KCNH1: variants seen among roughly 807,000 people sequenced by gnomAD.
The protein encoded by KCNH1 is potassium voltage-gated channel subfamily H member 1.
In KCNH1, 27 loss-of-function variants were observed where a neutral mutation model predicts 69.2. The observed-to-expected ratio is 0.39, with a 90% CI of 0.29 to 0.54. The LOEUF is 0.54. Ranked by LOEUF, KCNH1 falls within the 20% of genes least tolerant of loss-of-function variation. The pLI, the probability that KCNH1 is intolerant of heterozygous loss-of-function variation, is 0.68. For synonymous variants in KCNH1, 456 were observed against 487.7 expected, an observed-to-expected ratio of 0.93 and a Z score of 0.86; for missense variants, 798 against 1,261.6, an observed-to-expected ratio of 0.63 and a Z score of 5.57.
intron 5 of KCNH1, among the ~76,000 whole-genome samples, chr1:211,070,559 C>T (rs1014729770): frequency 2.0e-5 from 3 of 151,874 alleles, no homozygotes; most frequent in South Asian, 2.1e-4. Context: ...TGTGGTGGCT[C>T]ACATCTGTAA....
intron 10 of KCNH1, among the ~76,000 whole-genome samples, chr1:210,726,892 TAG>T (rs1216577233): frequency 1.3e-5 from 2 of 152,036 alleles, no homozygotes; most frequent in Non-Finnish European, 2.9e-5. Flanking sequence ...CAACCCTCAA[TAG>T]AGAGGGGTGG....
intron 7 of KCNH1, among the ~76,000 whole-genome samples, chr1:210,912,651 A>C (rs951860330): frequency 1.3e-5 from 2 of 152,232 alleles, no homozygotes; most frequent in African/African-American, 4.8e-5. Context: ...GCATGGAAGC[A>C]CTAGGCTAGG....
At position 211,005,615 on chromosome 1, in the gene KCNH1, G is replaced by A. The variant is rs115890130; in HGVS notation, c.1032+13168C>T. Among the ~76,000 whole-genome samples the A allele has an allele frequency of 2.5e-3, 381 of 152,252 alleles. 3 individuals are homozygous for A. The highest frequency in any genetic ancestry group is 0.019 in the South Asian group (91 of 4,822). ...AGCATACACGATAATCAGTCTAAGT[G>A]GATTTCAGATCTAAATGTGAATGGA... On this transcript the variant is annotated intron_variant, in intron 6 of 10. Transcript: ENST00000271751.
rs2149000783 is a variant in KCNH1 at position 210,683,615 on chromosome 1, G to A, written c.2636C>T (p.Ser879Leu). Reference protein sequence around the residue: ...SGEATLKKTDSCDSGITKSDL... With the variant: ...SGEATLKKTDLCDSGITKSDL... The stretch of plus-strand genomic sequence containing the variant: ...GCTCTTGGTGATGCCACTGTCACAC[G>A]AGTCTGTCTTCTTCAGTGTGGCCTC... The change falls in exon 11 of 11, where the codon TCG becomes TTG. Residue 879 changes from serine to leucine, a missense_variant. Coordinates refer to ENST00000271751, the MANE Select transcript of KCNH1 (RefSeq NM_172362.3). This position sits in a 1 kb window ranked among gnomAD's most constrained non-coding sequence, Gnocchi z 5.7. The A allele has an allele frequency of 1.2e-6, 2 of 1,614,164 alleles. No individual in the cohort carries two copies. The highest frequency in any genetic ancestry group is 1.7e-6 in the Non-Finnish European group (2 of 1,180,032).
At chr1:211,126,775 C>T (rs913010054) in intron 1 of KCNH1, among the ~76,000 whole-genome samples, 2 of 151,090 alleles carry the variant, frequency 1.3e-5, no homozygotes, top group African/African-American at 4.9e-5. Flanking sequence ...GCTAAAAACT[C>T]ACACCAATGG....
intron 6 of KCNH1, among the ~76,000 whole-genome samples, chr1:210,940,735 G>T: frequency 6.6e-6 from 1 of 152,042 alleles, no homozygotes; most frequent in East Asian, 1.9e-4. Flanking sequence ...AAAATCCAAA[G>T]GACACAGAAA....
intron 1 of KCNH1, among the ~76,000 whole-genome samples, chr1:211,115,728 T>C (rs61848605): frequency 2.4e-4 from 21 of 88,056 alleles, no homozygotes; most frequent in African/African-American, 2.9e-4. Context: ...TATATATATA[T>C]ATACACACAC....
intron 9 of KCNH1, among the ~76,000 whole-genome samples, chr1:210,795,576 C>G (rs1302808306): frequency 6.6e-6 from 1 of 152,120 alleles, no homozygotes; most frequent in African/African-American, 2.4e-5. Flanking sequence ...GACCAAAAAA[C>G]AAGAAGGAAG....
chr1:210,862,182 A>T, intron 7 of KCNH1: 7 of 1,334,340 alleles, frequency 5.2e-6, no homozygotes, highest in Non-Finnish European at 7.5e-6. Flanking sequence ...TTGAGACAAA[A>T]TTCAGAGATT....
chr1:210,896,158 TG>T (rs1686862589), intron 7 of KCNH1, among the ~76,000 whole-genome samples: 1 of 152,186 alleles, frequency 6.6e-6, no homozygotes, highest in Admixed American at 6.5e-5. Flanking sequence ...CCCCATTTTA[TG>T]TAAGGGAACT....
intron 6 of KCNH1, among the ~76,000 whole-genome samples, chr1:210,952,710 C>T (rs951347765): frequency 5.9e-5 from 9 of 152,056 alleles, no homozygotes; most frequent in Non-Finnish European, 1.3e-4. Context: ...ATCACATAAA[C>T]CTGCCAAGTG....
chr1:210,919,964 C>T lies in KCNH1; in HGVS notation c.1138G>A (p.Val380Ile). The change falls in exon 7 of 11, where the codon GTC (valine) becomes ATC (isoleucine). Residue 380 changes from valine (V) to isoleucine (I), a missense_variant. By Grantham distance (29) the Val-to-Ile change is conservative. Coordinates refer to ENST00000271751, the MANE Select transcript of KCNH1 (RefSeq NM_172362.3). This position sits in a 1 kb window ranked among gnomAD's most constrained non-coding sequence, Gnocchi z 4.2. ...AGCCCAAACACACACACCAGCAGGACCAGCACAGCAGCTCCATATTCAATG... is the reference window on the plus strand; with the variant it reads ...AGCCCAAACACACACACCAGCAGGATCAGCACAGCAGCTCCATATTCAATG... ...HYIEYGAAVL[V>I]LLVCVFGLAA... 6.2e-7 allele frequency: 1 copy of T among 1,614,138 alleles called. No individual in the cohort carries two copies. The highest frequency in any genetic ancestry group is 8.5e-7 in the Non-Finnish European group (1 of 1,180,006).
intron 5 of KCNH1, among the ~76,000 whole-genome samples, chr1:211,065,928 T>G (rs889810841): frequency 6.6e-6 from 1 of 151,924 alleles, no homozygotes; most frequent in African/African-American, 2.4e-5. Flanking sequence ...CATGGTGGCA[T>G]GTACCTGTAG....
intron 6 of KCNH1, among the ~76,000 whole-genome samples, chr1:210,920,446 G>C (rs1311783118): frequency 6.6e-6 from 1 of 152,002 alleles, no homozygotes. Flanking sequence ...AATTTTAAGG[G>C]TTGCATAACA....
chr1:210,859,397 T>C (rs1685925488), intron 7 of KCNH1: 1 of 1,586,120 alleles, frequency 6.3e-7, no homozygotes, highest in South Asian at 1.1e-5. Flanking sequence ...GTTTGAAAGA[T>C]AGCTTTAAAT....
chr1:210,970,541 G>A (rs960141410), intron 6 of KCNH1, among the ~76,000 whole-genome samples: 1 of 152,078 alleles, frequency 6.6e-6, no homozygotes, highest in African/African-American at 2.4e-5. Context: ...AATGGGGAAA[G>A]GATTTCCTAT....
chr1:211,083,581 T>G (rs906144063), intron 4 of KCNH1, among the ~76,000 whole-genome samples: 2 of 152,064 alleles, frequency 1.3e-5, no homozygotes, highest in Non-Finnish European at 2.9e-5. Flanking sequence ...ATTTCAACAC[T>G]CAACAACCCA....
intron 10 of KCNH1, among the ~76,000 whole-genome samples, chr1:210,726,615 C>G (rs1218212577): frequency 6.6e-6 from 1 of 152,226 alleles, no homozygotes; most frequent in Non-Finnish European, 1.5e-5. Context: ...CTAAGCCAGT[C>G]ACCCACAACA....
intron 5 of KCNH1, among the ~76,000 whole-genome samples, chr1:211,040,185 C>T (rs777747312): frequency 2.1e-3 from 252 of 122,178 alleles, no homozygotes; most frequent in Non-Finnish European, 3.1e-3. Flanking sequence ...AGCAAGACTC[C>T]GTCTCAAAAA....
Sources: gnomAD v4.1 joint callset for allele counts (sites outside exome capture counted in the v4.1 genomes callset) on GRCh38, gnomAD v4.1.1 for gene constraint, Gnocchi (gnomAD v3.1) non-coding constraint, MANE v1.5 for transcripts, NCBI Gene and HGNC (gene_info 2026-07-23, HGNC 2026-07-21) for gene names.